FRAS1: variants seen among roughly 807,000 people sequenced by gnomAD.
The protein encoded by FRAS1 is Fraser extracellular matrix complex subunit 1, also known as extracellular matrix organizing protein FRAS1.
In FRAS1, 290 loss-of-function variants were observed where a neutral mutation model predicts 435.2. The ratio of observed to expected loss-of-function variants is 0.67; its 90% confidence interval spans 0.61 to 0.73. The LOEUF is 0.73. Among genes scored for constraint, FRAS1 ranks in the 30% least tolerant of loss-of-function variants. The pLI is 0.00. For synonymous variants in FRAS1, 1,800 were observed against 1,851.0 expected (o/e 0.97, Z 0.71); for missense variants, 4,860 against 5,001.5 (o/e 0.97, Z 0.85).
chr4:78,155,819 T>G (rs891971568), intron 2 of FRAS1, among the ~76,000 whole-genome samples: 2 of 152,136 alleles, frequency 1.3e-5, no homozygotes, highest in African/African-American at 4.8e-5. Context: ...GAATTTCTTG[T>G]GTAGGGTGAA....
intron 32 of FRAS1, among the ~76,000 whole-genome samples, chr4:78,414,948 C>T (rs1021978632): frequency 1.3e-5 from 2 of 152,162 alleles, no homozygotes; most frequent in Non-Finnish European, 2.9e-5. Flanking sequence ...TCCAGCAGAG[C>T]ATGAGAGAGG....
chr4:78,059,445 C>A (rs1482596025), intron 1 of FRAS1, among the ~76,000 whole-genome samples: 2 of 151,256 alleles, frequency 1.3e-5, no homozygotes, highest in African/African-American at 4.9e-5. Flanking sequence ...AGCCTTCTCC[C>A]AACAGTGCAA....
intron 26 of FRAS1, among the ~76,000 whole-genome samples, chr4:78,376,809 G>C (rs1053159536): frequency 7.9e-5 from 12 of 152,012 alleles, no homozygotes; most frequent in Non-Finnish European, 1.2e-4. Context: ...TGGTCAACAT[G>C]GCAAAACCCC....
chr4:78,485,650 G>A (rs1213544249), intron 58 of FRAS1, among the ~76,000 whole-genome samples: 1 of 152,140 alleles, frequency 6.6e-6, no homozygotes, highest in African/African-American at 2.4e-5. Context: ...AGGGTAGAAA[G>A]ATCTTACATA....
rs71216219 is a variant in FRAS1 at position 78,518,422 on chromosome 4, G to GTATATATATATA, written c.10390-889_10390-878dup. Among the ~76,000 whole-genome samples, 79 of 135,706 alleles carry GTATATATATATA rather than the reference G, an allele frequency of 5.8e-4. 1 individual carries two copies. Among genetic ancestry groups the GTATATATATATA allele is most frequent in the African/African-American group, 2.3e-3 (75 of 33,038 alleles). 89.0% of individuals were successfully genotyped at this position (135,706 alleles called of 152,430 possible). ...GTTTTAAGCTAAGTTTTTTTGTTGTGTATATATATATATATATATATATAT... is the reference window on the plus strand; with the variant it reads ...GTTTTAAGCTAAGTTTTTTTGTTGTGTATATATATATATATATATATATATATATATATATAT... On this transcript the variant is annotated intron_variant, in intron 66 of 73. Transcript: ENST00000512123.
chr4:78,504,976 A>G (rs944285904), intron 61 of FRAS1, among the ~76,000 whole-genome samples: 3 of 152,154 alleles, frequency 2.0e-5, no homozygotes, highest in African/African-American at 7.2e-5. Context: ...TTTCTCCTTC[A>G]CTTATGAAGC....
chr4:78,497,746 G>C (rs746139772), intron 60 of FRAS1, among the ~76,000 whole-genome samples: 1 of 152,150 alleles, frequency 6.6e-6, no homozygotes, highest in African/African-American at 2.4e-5. Context: ...ACTTCATTCT[G>C]TCTGATTCTA....
intron 61 of FRAS1, among the ~76,000 whole-genome samples, chr4:78,500,355 T>C (rs1054812290): frequency 1.3e-5 from 2 of 152,188 alleles, no homozygotes; most frequent in Non-Finnish European, 2.9e-5. Flanking sequence ...ATACCCAGTT[T>C]TGGACTTTCC....
At chr4:78,322,858 A>G (rs529062920) in intron 18 of FRAS1, among the ~76,000 whole-genome samples, 2 of 152,338 alleles carry the variant, frequency 1.3e-5, no homozygotes, top group Middle Eastern at 3.4e-3. Flanking sequence ...CACTGTGAAT[A>G]TACTAGCAAA....
At chr4:78,115,566 A>T (rs186941180) in intron 2 of FRAS1, among the ~76,000 whole-genome samples, 1 of 152,140 alleles carries the variant, frequency 6.6e-6, no homozygotes, top group Admixed American at 6.5e-5. Context: ...GGGAGGGTGT[A>T]TGTGTCCAGG....
chr4:78,082,260 C>T (rs1243418237), intron 2 of FRAS1, among the ~76,000 whole-genome samples: 1 of 152,084 alleles, frequency 6.6e-6, no homozygotes, highest in Non-Finnish European at 1.5e-5. Context: ...CTCACACTTT[C>T]ACTTTTGAGG....
At chr4:78,372,326 T>C (rs1156522934) in intron 23 of FRAS1, among the ~76,000 whole-genome samples, 1 of 152,154 alleles carries the variant, frequency 6.6e-6, no homozygotes, top group African/African-American at 2.4e-5. Context: ...CTATTGAGCA[T>C]TGAGTATTTG....
At chr4:78,307,966 A>C (rs1728855502) in intron 14 of FRAS1, 100 bp from the exon 15 acceptor site, 2 of 1,227,020 alleles carry the variant, frequency 1.6e-6, no homozygotes, top group Admixed American at 5.3e-5. Flanking sequence ...CTAAGGAACC[A>C]ACTGACATCC....
In FRAS1 at chr4:78,452,267, A is replaced by G. The variant is rs370858207; in HGVS notation, c.6676A>G (p.Thr2226Ala). 1 of 1,613,712 alleles carries G rather than the reference A, an allele frequency of 6.2e-7. No homozygotes were observed. The highest frequency in any genetic ancestry group is 1.3e-5 in the African/African-American group (1 of 74,918). The change falls in exon 47 of 74, where the codon ACT (threonine) becomes GCT (alanine). Residue 2226 changes from threonine to alanine, a missense_variant. Transcript: ENST00000512123. ...KKITTLQLSA[T>A]DQDSGPTELI... ...AATCACCACCCTGCAGCTGTCTGCCACTGACCAGGACAGTGGGCCTACAGA... is the reference window on the plus strand; with the variant it reads ...AATCACCACCCTGCAGCTGTCTGCCGCTGACCAGGACAGTGGGCCTACAGA...
chr4:78,370,467 T>G (rs1465699753), intron 23 of FRAS1, among the ~76,000 whole-genome samples: 2 of 152,240 alleles, frequency 1.3e-5, no homozygotes, highest in African/African-American at 4.8e-5. Flanking sequence ...ATCCTGACAG[T>G]GCAACCGTAG....
intron 37 of FRAS1, among the ~76,000 whole-genome samples, chr4:78,432,121 GA>G (rs1169539658): frequency 6.6e-6 from 1 of 152,114 alleles, no homozygotes; most frequent in Non-Finnish European, 1.5e-5. Context: ...ATCTTCAGTG[GA>G]ATTAGCTATC....
chr4:78,492,823 A>C (rs1720401180), intron 59 of FRAS1, among the ~76,000 whole-genome samples: 1 of 152,124 alleles, frequency 6.6e-6, no homozygotes. Context: ...TAATTGAACT[A>C]AAGAGCTTCT....
chr4:78,430,498 C>T (rs963271334), intron 37 of FRAS1, 81 bp downstream of exon 37: 74 of 1,436,468 alleles, frequency 5.2e-5, no homozygotes, highest in East Asian at 3.1e-4. Flanking sequence ...GTGTCTCAGA[C>T]GAGAGCAAAG....
intron 2 of FRAS1, among the ~76,000 whole-genome samples, chr4:78,079,477 G>A (rs1740801041): frequency 1.3e-5 from 2 of 152,146 alleles, no homozygotes; most frequent in Non-Finnish European, 2.9e-5. Context: ...CTTAATGTGA[G>A]TAATGGAAAC....
Sources: gnomAD v4.1 joint callset for allele counts (sites outside exome capture counted in the v4.1 genomes callset) on GRCh38, gnomAD v4.1.1 for gene constraint, MANE v1.5 for transcripts, NCBI Gene and HGNC (gene_info 2026-07-23, HGNC 2026-07-21) for gene names.